Variants in LDLRAD4 observed in about 807,000 individuals in gnomAD.
LDLRAD4 encodes the protein low-density lipoprotein receptor class A domain-containing protein 4.
A neutral mutation model predicts 17.0 loss-of-function variants in LDLRAD4; 5 were observed. The observed-to-expected ratio is 0.29, with a 90% CI of 0.15 to 0.62. LDLRAD4 has a LOEUF of 0.62. Ranked by LOEUF, LDLRAD4 falls within the 20% of genes least tolerant of loss-of-function variation. The probability of loss-of-function intolerance (pLI) is 0.84; values close to 1 mark genes in which losing one functional copy is unlikely to be tolerated. For synonymous variants in LDLRAD4, 168 were observed against 171.8 expected, an observed-to-expected ratio of 0.98 and a Z score of 0.17; for missense variants, 340 against 424.7, an observed-to-expected ratio of 0.80 and a Z score of 1.75.
intron 3 of LDLRAD4, among the ~76,000 whole-genome samples, chr18:13,581,847 C>T (rs1447069903): frequency 6.6e-6 from 1 of 152,034 alleles, no homozygotes; most frequent in Non-Finnish European, 1.5e-5. Flanking sequence ...TGTGTGTGCA[C>T]TGTACACTCA....
intron 1 of LDLRAD4, among the ~76,000 whole-genome samples, chr18:13,284,986 C>T (rs2045533220): frequency 6.6e-6 from 1 of 152,158 alleles, no homozygotes; most frequent in African/African-American, 2.4e-5. Context: ...GCCTCTCAAG[C>T]CGATGTGAGA....
rs1184451201 is a variant in LDLRAD4 at position 13,440,187 on chromosome 18, G to A, written c.181+1803G>A. Reference sequence around the variant, plus strand: ...GCCTCTGCTCTGGGGCGCTCCACAGGCCTCTTCTGGTCTGCGGGCTCCTCC... The same window carrying A: ...GCCTCTGCTCTGGGGCGCTCCACAGACCTCTTCTGGTCTGCGGGCTCCTCC... On this transcript the variant is annotated intron_variant, in intron 3 of 5. Transcript: ENST00000359446. The surrounding 1 kb of genome is among the most constrained non-coding windows in gnomAD (Gnocchi z 4.4). 6.6e-6 allele frequency among the ~76,000 whole-genome samples: 1 copy of A among 152,174 alleles called. No individual in the cohort carries two copies. Among genetic ancestry groups the A allele is most frequent in the African/African-American group, 2.4e-5 (1 of 41,442 alleles).
chr18:13,342,864 G>A (rs2082454729), intron 1 of LDLRAD4, among the ~76,000 whole-genome samples: 1 of 151,652 alleles, frequency 6.6e-6, no homozygotes, highest in African/African-American at 2.4e-5. Flanking sequence ...TTACGGACAG[G>A]GAAGGATTTA....
At chr18:13,380,700 T>C (rs2085290974) in intron 1 of LDLRAD4, among the ~76,000 whole-genome samples, 1 of 152,264 alleles carries the variant, frequency 6.6e-6, no homozygotes, top group Non-Finnish European at 1.5e-5. Flanking sequence ...AAGAATGTTC[T>C]AATATAATTA....
intron 3 of LDLRAD4, among the ~76,000 whole-genome samples, chr18:13,556,181 C>G (rs1274657810): frequency 6.6e-6 from 1 of 152,200 alleles, no homozygotes; most frequent in Non-Finnish European, 1.5e-5. Context: ...GTATTAAGTA[C>G]TTGGAATTTC....
intron 3 of LDLRAD4, among the ~76,000 whole-genome samples, chr18:13,585,200 C>T (rs1199841963): frequency 6.6e-6 from 1 of 152,226 alleles, no homozygotes; most frequent in Non-Finnish European, 1.5e-5. Flanking sequence ...GTCAATACAT[C>T]AGCTTTGCTG....
chr18:13,236,948 A>G (rs2042369666), intron 1 of LDLRAD4, among the ~76,000 whole-genome samples: 1 of 152,174 alleles, frequency 6.6e-6, no homozygotes, highest in Non-Finnish European at 1.5e-5. Context: ...AACATTCCAT[A>G]AGGGACTGTG....
intron 3 of LDLRAD4, chr18:13,611,436 G>T: frequency 1.0e-6 from 1 of 985,180 alleles, no homozygotes; most frequent in Non-Finnish European, 1.2e-6. Context: ...AACTGCGACA[G>T]ACTCGCAGCC....
At chr18:13,306,421 A>G (rs529956115) in intron 1 of LDLRAD4, among the ~76,000 whole-genome samples, 69 of 152,226 alleles carry the variant, frequency 4.5e-4, no homozygotes, top group African/African-American at 1.6e-3. Flanking sequence ...ACTTCTTTCA[A>G]TACTGGACAG....
rs552180933 is a variant in LDLRAD4 at position 13,390,743 on chromosome 18, T to C, written c.40+2981T>C. Among the ~76,000 whole-genome samples, 277 of 152,306 alleles carry C rather than the reference T, an allele frequency of 1.8e-3. 1 individual carries two copies. The highest frequency in any genetic ancestry group is 3.3e-3 in the Non-Finnish European group (222 of 68,020). Reference sequence around the variant, plus strand: ...CTGCCTGTTCTCAGACCATCATGTGTTGAATAGTGTTCACACTGTTGGGTG... The same window carrying C: ...CTGCCTGTTCTCAGACCATCATGTGCTGAATAGTGTTCACACTGTTGGGTG... On this transcript the variant is annotated intron_variant, in intron 2 of 5. Coordinates refer to ENST00000359446, the Ensembl canonical transcript of LDLRAD4.
intron 1 of LDLRAD4, among the ~76,000 whole-genome samples, chr18:13,376,361 G>A (rs371192377): frequency 1.1e-4 from 16 of 152,284 alleles, no homozygotes; most frequent in African/African-American, 3.4e-4. Context: ...CGCGGCCCAC[G>A]GTCGCTTAGA....
rs770999028 is a variant in LDLRAD4, at chr18:13,621,132, C to A, written c.197C>A (p.Ala66Asp). ...TCCATGGCAGCGGAGCTGGAGTTCG[C>A]CCAAATCATCATCATCGTCGTGGTG... The change falls in exon 4 of 6, where the codon GCC (alanine) becomes GAC (aspartate). Residue 66 changes from alanine (A) to aspartate (D), a missense_variant. Transcript: ENST00000359446. The surrounding 1 kb of genome is among the most constrained non-coding windows in gnomAD (Gnocchi z 5.5). The A allele has an allele frequency of 2.3e-5, 37 of 1,614,086 alleles. No individual in the cohort carries two copies. Among genetic ancestry groups the A allele is most frequent in the Non-Finnish European group, 3.1e-5 (36 of 1,180,054 alleles).
intron 1 of LDLRAD4, among the ~76,000 whole-genome samples, chr18:13,337,896 T>C (rs2082182207): frequency 6.6e-6 from 1 of 152,154 alleles, no homozygotes; most frequent in African/African-American, 2.4e-5. Context: ...CACTATACCA[T>C]GGTTTCTTCA....
At chr18:13,361,178 C>T (rs909068802) in intron 1 of LDLRAD4, among the ~76,000 whole-genome samples, 4 of 152,142 alleles carry the variant, frequency 2.6e-5, no homozygotes, top group Non-Finnish European at 5.9e-5. Context: ...CCTGGGTTCA[C>T]GCCATTCTCC....
chr18:13,502,740 C>A (rs760689397), intron 3 of LDLRAD4, among the ~76,000 whole-genome samples: 1 of 152,220 alleles, frequency 6.6e-6, no homozygotes, highest in South Asian at 2.1e-4. Flanking sequence ...CACCCATGGA[C>A]GTGATCTGTC....
intron 3 of LDLRAD4, among the ~76,000 whole-genome samples, chr18:13,485,194 G>C (rs2093190490): frequency 6.6e-6 from 1 of 152,216 alleles, no homozygotes; most frequent in Non-Finnish European, 1.5e-5. Flanking sequence ...CCTGCTTTGT[G>C]GGCCTGTGCT....
At chr18:13,506,655 T>G (rs965447222) in intron 3 of LDLRAD4, among the ~76,000 whole-genome samples, 4 of 152,190 alleles carry the variant, frequency 2.6e-5, no homozygotes, top group Non-Finnish European at 5.9e-5. Flanking sequence ...TCACTGTAGA[T>G]GGAATAGCCC....
At chr18:13,241,400 G>C (rs1402500766) in intron 1 of LDLRAD4, 4 of 152,266 alleles carry the variant, frequency 2.6e-5, no homozygotes, top group Non-Finnish European at 5.9e-5. Context: ...GTAGCCTCCC[G>C]GGTGCTGCAG....
intron 2 of LDLRAD4, among the ~76,000 whole-genome samples, chr18:13,406,645 G>A (rs2087780948): frequency 6.6e-6 from 1 of 152,192 alleles, no homozygotes; most frequent in Admixed American, 6.5e-5. Flanking sequence ...GAGCTACAGT[G>A]GGAGTGGGCA....
Sources: allele counts gnomAD v4.1 joint callset (sites outside exome capture counted in the v4.1 genomes callset), GRCh38; gene constraint gnomAD v4.1.1; non-coding constraint Gnocchi (gnomAD v3.1); transcripts MANE v1.5; gene names NCBI Gene and HGNC (gene_info 2026-07-23, HGNC 2026-07-21).